HOXA3: variants seen among roughly 807,000 people sequenced by gnomAD.
The protein encoded by HOXA3 is homeobox protein Hox-A3.
In HOXA3, 8 loss-of-function variants were observed where a neutral mutation model predicts 30.3. That is an observed-to-expected ratio of 0.26 (90% CI 0.15 to 0.48). The LOEUF (loss-of-function observed/expected upper bound fraction) is 0.48, where lower values mean the gene tolerates loss of function less well. Among genes scored for constraint, HOXA3 ranks in the 20% least tolerant of loss-of-function variants. The pLI, the probability that HOXA3 is intolerant of heterozygous loss-of-function variation, is 0.99. For missense variants in HOXA3, 653 were observed against 614.4 expected (o/e 1.06, Z -0.66); for synonymous variants, 323 against 273.1 (o/e 1.18, Z -1.80).
At position 27,113,445 on chromosome 7, in the gene HOXA3, G is replaced by A. The variant is rs1240672561; in HGVS notation, c.-120-2685C>T. On this transcript the variant is annotated intron_variant, in intron 4 of 5. Coordinates refer to ENST00000612286, the MANE Select transcript of HOXA3 (RefSeq NM_153631.3). The surrounding 1 kb of genome is among the most constrained non-coding windows in gnomAD (Gnocchi z 4.8). Reference sequence around the variant, plus strand: ...GGCTGGGCTAGGGGAGAGGCAAGAGGTGGGGGCGGGGATGGGAAAGCGGCC... The same window carrying A: ...GGCTGGGCTAGGGGAGAGGCAAGAGATGGGGGCGGGGATGGGAAAGCGGCC... 6.6e-6 allele frequency among the ~76,000 whole-genome samples: 1 copy of A among 152,170 alleles called. No homozygotes were observed. Among genetic ancestry groups the A allele is most frequent in the African/African-American group, 2.4e-5 (1 of 41,450 alleles).
At chr7:27,130,146 G>A (rs1242357638) in intron 2 of HOXA3, 5 of 1,603,822 alleles carry the variant, frequency 3.1e-6, no homozygotes, top group South Asian at 1.1e-5. Context: ...TCTTCATCCA[G>A]GGGTACACCA....
intron 4 of HOXA3, among the ~76,000 whole-genome samples, chr7:27,114,528 AGAAACTGCT>A (rs1033252131): frequency 6.6e-6 from 1 of 151,872 alleles, no homozygotes; most frequent in Non-Finnish European, 1.5e-5. Context: ...ATTTTCAGGC[AGAAACTGCT>A]GACATCCTAG....
chr7:27,126,923 C>G lies in HOXA3; in HGVS notation c.-242G>C, dbSNP rs934615028. On this transcript the variant is annotated 5_prime_UTR_variant, in exon 3 of 6. Transcript: ENST00000612286. ...TAGTCTGCCATTTGAGATTTTGCAGCTTGACACTCAATTTCCACTGAGAGT... is the reference window on the plus strand; with the variant it reads ...TAGTCTGCCATTTGAGATTTTGCAGGTTGACACTCAATTTCCACTGAGAGT... 2 of 150,402 alleles carry G rather than the reference C, an allele frequency of 1.3e-5. No homozygotes were observed. Among genetic ancestry groups the G allele is most frequent in the African/African-American group, 4.9e-5 (2 of 40,810 alleles). 9.3% of individuals were successfully genotyped at this position (150,402 alleles called of 1,614,324 possible). A position where few individuals can be genotyped will look rare whatever the true frequency, so the allele number is the denominator to read the frequency against.
At position 27,145,744 on chromosome 7, in the gene HOXA3, G is replaced by C. The variant is rs772034382; in HGVS notation, c.-493-5558C>G. ...TTTTCCTTTTTCCACTTCATGCGGC[G>C]GTTCTGGAACCAGATCTTGATCTGG... On this transcript the variant is annotated intron_variant, in intron 1 of 5. Coordinates refer to ENST00000612286, the MANE Select transcript of HOXA3 (RefSeq NM_153631.3). 10 of 1,614,090 alleles carry C rather than the reference G, an allele frequency of 6.2e-6. No individual in the cohort carries two copies. The Admixed American group carries it at 1.0e-4, about 16-fold the overall frequency.
chr7:27,147,600 CT>C (rs1400087219), intron 1 of HOXA3: 3 of 1,614,106 alleles, frequency 1.9e-6, no homozygotes, highest in Non-Finnish European at 2.5e-6. Flanking sequence ...AGGTGTACGT[CT>C]TGTCCGGGAG....
chr7:27,143,300 C>G (rs755051776), intron 1 of HOXA3: 2 of 1,601,958 alleles, frequency 1.2e-6, no homozygotes, highest in Non-Finnish European at 1.7e-6. Context: ...CACGGCGGAG[C>G]AGGGCAGCGG....
intron 1 of HOXA3, chr7:27,141,624 G>A (rs1782571914): frequency 1.3e-5 from 6 of 471,532 alleles, no homozygotes; most frequent in Non-Finnish European, 2.2e-5. Context: ...TCAAGACAAA[G>A]CCATTCAGGA....
At chr7:27,111,548 G>T (rs1489169497) in intron 4 of HOXA3, among the ~76,000 whole-genome samples, 2 of 150,608 alleles carry the variant, frequency 1.3e-5, no homozygotes, top group African/African-American at 4.9e-5. Context: ...ACCCCACCCA[G>T]CAAGTCACAA....
Position 27,114,970 on chromosome 7 carries a change from C to CT in HOXA3, c.-120-4211dup, listed in dbSNP as rs1784635677. ...AATTTGCCTGGTAATATTGCCACAA[C>CT]TTGAAAGTGGATGATTTTCCTCCTA... is the stretch of plus-strand genomic sequence containing the variant. On this transcript the variant is annotated intron_variant, in intron 4 of 5. Coordinates refer to ENST00000612286, the MANE Select transcript of HOXA3 (RefSeq NM_153631.3). Among the ~76,000 whole-genome samples, 5 of 145,778 alleles carry CT rather than the reference C, an allele frequency of 3.4e-5. No individual in the cohort carries two copies. The South Asian group carries it at 1.1e-3, about 32-fold the overall frequency.
rs1784042424 is a variant in HOXA3, at chr7:27,107,078, C to T, written c.*837G>A. 1 of 152,600 alleles carries T rather than the reference C, an allele frequency of 6.6e-6. No individual in the cohort carries two copies. 9.5% of individuals were successfully genotyped at this position (152,600 alleles called of 1,614,324 possible). A position where few individuals can be genotyped will look rare whatever the true frequency, so the allele number is the denominator to read the frequency against. On this transcript the variant is annotated 3_prime_UTR_variant, in exon 6 of 6. Coordinates refer to ENST00000612286, the MANE Select transcript of HOXA3 (RefSeq NM_153631.3). ...TGAGCAGCAAGGAATGAAGAACTCT[C>T]AAAACAAATCTAGTATTTTTCGCGT...
intron 1 of HOXA3, among the ~76,000 whole-genome samples, chr7:27,140,809 T>G (rs1387704810): frequency 1.3e-5 from 2 of 152,182 alleles, no homozygotes; most frequent in Non-Finnish European, 2.9e-5. Context: ...GCAAGTTAAC[T>G]TGGTTTCCTC....
intron 2 of HOXA3, chr7:27,130,056 G>A (rs1785455709): frequency 4.0e-6 from 6 of 1,511,586 alleles, no homozygotes; most frequent in Middle Eastern, 1.7e-4. Context: ...TCCTGACCCC[G>A]ACCCTCGAAC....
intron 4 of HOXA3, among the ~76,000 whole-genome samples, chr7:27,117,623 TGGC>T (rs1303965113): frequency 3.3e-5 from 5 of 152,172 alleles, no homozygotes; most frequent in Admixed American, 3.3e-4. Flanking sequence ...ATCAATAAAA[TGGC>T]AGCGCATCTG....
intron 2 of HOXA3, among the ~76,000 whole-genome samples, chr7:27,133,647 A>G (rs1242533503): frequency 1.3e-5 from 2 of 152,210 alleles, no homozygotes; most frequent in African/African-American, 4.8e-5. Flanking sequence ...GATGGAGAAG[A>G]GTGAAGGGAG....
intron 3 of HOXA3, chr7:27,124,167 A>T (rs1330019175): frequency 6.6e-6 from 1 of 152,228 alleles, no homozygotes; most frequent in African/African-American, 2.4e-5. Context: ...TCACAGAGAG[A>T]TGCTGCCCAG....
In HOXA3 at chr7:27,108,244, C is replaced by T. The variant is rs1784138857; in HGVS notation, c.1003G>A (p.Gly335Ser). 2.0e-6 allele frequency: 3 copies of T among 1,517,706 alleles called. No homozygotes were observed. In the South Asian group the frequency reaches 3.9e-5, roughly 20 times the overall value. 94.0% of individuals were successfully genotyped at this position (1,517,706 alleles called of 1,614,324 possible). ...PQKRYTAAGA[G>S]AGGTPDYDPH... ...TCATAGTCGGGGGTGCCCCCTGCGC[C>T]CGCCCCTGCCGCCGTGTAGCGCTTC... Residue 335 changes from glycine (G) to serine (S), a missense_variant, in exon 6 of 6, where the codon GGC (glycine) becomes AGC (serine). Gly to Ser is a moderately conservative substitution (Grantham distance 56, BLOSUM62 0). Coordinates refer to ENST00000612286, the MANE Select transcript of HOXA3 (RefSeq NM_153631.3). This position sits in a 1 kb window ranked among gnomAD's most constrained non-coding sequence, Gnocchi z 5.0.
chr7:27,130,557 C>T, intron 2 of HOXA3: 4 of 1,431,728 alleles, frequency 2.8e-6, no homozygotes, highest in Non-Finnish European at 2.8e-6. Flanking sequence ...CGTGAGGGAG[C>T]TGGGGCTGCT....
intron 1 of HOXA3, chr7:27,145,658 C>G (rs761780955): frequency 6.2e-7 from 1 of 1,612,676 alleles, no homozygotes; most frequent in Non-Finnish European, 8.5e-7. Context: ...GCCCAGGCAT[C>G]TACTCGCCCG....
intron 1 of HOXA3, among the ~76,000 whole-genome samples, chr7:27,144,467 A>G (rs1782684127): frequency 6.6e-6 from 1 of 152,176 alleles, no homozygotes. Flanking sequence ...TCGTGTGAAT[A>G]TGGTTTTCGT....
Sources: allele counts gnomAD v4.1 joint callset (sites outside exome capture counted in the v4.1 genomes callset), GRCh38; gene constraint gnomAD v4.1.1; non-coding constraint Gnocchi (gnomAD v3.1); transcripts MANE v1.5; gene names NCBI Gene and HGNC (gene_info 2026-07-23, HGNC 2026-07-21).